The following MPP7 variants were observed in gnomAD, a reference collection of about 807,000 sequenced individuals.
The protein encoded by MPP7 is MAGUK p55 subfamily member 7.
A neutral mutation model predicts 76.5 loss-of-function variants in MPP7; 60 were observed. That is an observed-to-expected ratio of 0.78 (90% CI 0.64 to 0.97). MPP7 has a LOEUF of 0.97. Ranked by LOEUF, MPP7 falls within the 50% of genes least tolerant of loss-of-function variation. The pLI, the probability that MPP7 is intolerant of heterozygous loss-of-function variation, is 0.00. For missense variants in MPP7, 641 were observed against 694.0 expected, an observed-to-expected ratio of 0.92 and a Z score of 0.86; for synonymous variants, 237 against 244.5, an observed-to-expected ratio of 0.97 and a Z score of 0.29.
chr10:28,165,364 A>T (rs1429953253), intron 3 of MPP7, among the ~76,000 whole-genome samples: 1 of 152,054 alleles, frequency 6.6e-6, no homozygotes, highest in East Asian at 1.9e-4. Context: ...CCCTATAAAG[A>T]AATTTTTAAA....
chr10:28,174,206 G>T (rs1028279815), intron 3 of MPP7, among the ~76,000 whole-genome samples: 2 of 142,860 alleles, frequency 1.4e-5, no homozygotes, highest in African/African-American at 5.3e-5. Context: ...AATACAAACC[G>T]CAACAATACC....
At chr10:28,256,092 C>T (rs963186272) in intron 1 of MPP7, among the ~76,000 whole-genome samples, 5 of 152,110 alleles carry the variant, frequency 3.3e-5, no homozygotes, top group Non-Finnish European at 7.4e-5. Flanking sequence ...CAACAGTATA[C>T]TAGGAGTGTG....
chr10:28,274,150 T>A (rs921692138), intron 1 of MPP7, among the ~76,000 whole-genome samples: 17 of 147,490 alleles, frequency 1.2e-4, no homozygotes, highest in Non-Finnish European at 2.5e-4. Context: ...TCACCCAGGC[T>A]GGAGTGCAGT....
At chr10:28,253,186 G>A (rs952998862) in intron 1 of MPP7, among the ~76,000 whole-genome samples, 4 of 152,132 alleles carry the variant, frequency 2.6e-5, no homozygotes, top group Non-Finnish European at 5.9e-5. Flanking sequence ...GATTACAGGC[G>A]TGAGCCACGA....
At chr10:28,295,650 T>C (rs1031918299) in intron 1 of MPP7, among the ~76,000 whole-genome samples, 2 of 152,236 alleles carry the variant, frequency 1.3e-5, no homozygotes, top group African/African-American at 4.8e-5. Flanking sequence ...TGTGTTTTTA[T>C]CAGGAGTGAA....
At chr10:28,325,912 G>C (rs1834408273) in intron 2 of MPP7, among the ~76,000 whole-genome samples, 3 of 150,642 alleles carry the variant, frequency 2.0e-5, no homozygotes, top group Admixed American at 6.6e-5. Context: ...GGAGTTCAAG[G>C]CTGCAGTGAG....
chr10:28,058,740 C>T (rs1248332868), intron 14 of MPP7, 137 bp from the exon 15 acceptor site: 1 of 427,382 alleles, frequency 2.3e-6, no homozygotes, highest in Non-Finnish European at 4.2e-6. Context: ...TAAACAGAGC[C>T]AAGTATTTCA....
chr10:28,106,734 T>C (rs1834337594), intron 11 of MPP7, among the ~76,000 whole-genome samples: 1 of 152,168 alleles, frequency 6.6e-6, no homozygotes, highest in African/African-American at 2.4e-5. Flanking sequence ...ACGGCAATCC[T>C]TCCTCTGCTG....
At chr10:28,273,928 G>A (rs1840406914) in intron 1 of MPP7, among the ~76,000 whole-genome samples, 1 of 151,792 alleles carries the variant, frequency 6.6e-6, no homozygotes, top group Non-Finnish European at 1.5e-5. Flanking sequence ...CCAGGAGTTC[G>A]AGTCCAGCCT....
At chr10:28,195,443 G>A (rs1837549109) in intron 3 of MPP7, among the ~76,000 whole-genome samples, 1 of 152,120 alleles carries the variant, frequency 6.6e-6, no homozygotes, top group African/African-American at 2.4e-5. Flanking sequence ...ATACACAAAT[G>A]TTCTTAGTAG....
At chr10:28,213,631 A>C (rs559254164) in intron 2 of MPP7, among the ~76,000 whole-genome samples, 1 of 151,990 alleles carries the variant, frequency 6.6e-6, no homozygotes, top group South Asian at 2.1e-4. Context: ...TGTTGTAAAA[A>C]TACAAAAAAA....
rs191715668 is a variant in MPP7, at chr10:28,208,688, G to A, written c.38-6417C>T. 1.5e-3 allele frequency among the ~76,000 whole-genome samples: 224 copies of A among 152,282 alleles called. 1 individual carries two copies. The highest frequency in any genetic ancestry group is 1.3e-3 in the Non-Finnish European group (87 of 68,026). ...CTCATCTGACAAAACTTAACGTCAG[G>A]CCAGCAGCAAAAGAGAAATACTTAA... On this transcript the variant is annotated intron_variant, in intron 2 of 16. Transcript: ENST00000683449.
intron 2 of MPP7, among the ~76,000 whole-genome samples, chr10:28,218,380 T>A (rs991733946): frequency 1.3e-5 from 2 of 152,168 alleles, no homozygotes; most frequent in African/African-American, 4.8e-5. Flanking sequence ...GCTGTGATCC[T>A]GCACACTTGA....
At chr10:28,125,740 A>G (rs1260214035) in intron 6 of MPP7, among the ~76,000 whole-genome samples, 1 of 152,234 alleles carries the variant, frequency 6.6e-6, no homozygotes, top group Non-Finnish European at 1.5e-5. Context: ...CCATGGTTTT[A>G]GTGAACTAGG....
intron 5 of MPP7, among the ~76,000 whole-genome samples, chr10:28,145,419 C>T (rs768743756): frequency 4.9e-4 from 74 of 152,082 alleles, no homozygotes; most frequent in Non-Finnish European, 8.7e-4. Context: ...AACCTACATA[C>T]CTTGCTTCTG....
intron 13 of MPP7, among the ~76,000 whole-genome samples, chr10:28,066,812 G>A (rs1226783662): frequency 1.3e-5 from 2 of 152,138 alleles, no homozygotes; most frequent in African/African-American, 2.4e-5. Flanking sequence ...CAACACATTT[G>A]CGGGATTCAT....
intron 13 of MPP7, among the ~76,000 whole-genome samples, chr10:28,068,166 C>A (rs923717559): frequency 3.3e-5 from 5 of 151,722 alleles, no homozygotes; most frequent in Non-Finnish European, 5.9e-5. Flanking sequence ...TTATATATTG[C>A]AATTCAGCTT....
In MPP7 at chr10:28,086,555, A is replaced by G. The variant is rs114279741; in HGVS notation, c.1123+3116T>C. Among the ~76,000 whole-genome samples the G allele has an allele frequency of 2.5e-3, 374 of 152,320 alleles. 1 individual carries two copies. Among genetic ancestry groups the G allele is most frequent in the African/African-American group, 8.6e-3 (356 of 41,566 alleles). On this transcript the variant is annotated intron_variant, in intron 12 of 16. Transcript: ENST00000683449. ...AAGCGAAAATACCTCAGGTCATTCT[A>G]TGATTTTTGGCTGACAATAGAATGT...
chr10:28,251,686 A>G (rs75344614), intron 1 of MPP7, among the ~76,000 whole-genome samples: 1,658 of 152,216 alleles, frequency 0.011, 15 homozygotes, highest in Middle Eastern at 0.031. Flanking sequence ...ATCAACACAG[A>G]ACTGATGCAG....
Sources: allele counts gnomAD v4.1 joint callset (sites outside exome capture counted in the v4.1 genomes callset), GRCh38; gene constraint gnomAD v4.1.1; transcripts MANE v1.5; gene names NCBI Gene and HGNC (gene_info 2026-07-23, HGNC 2026-07-21).